Variants in OR8D1 observed in about 807,000 individuals in gnomAD.
OR8D1 encodes the protein olfactory receptor 8D1.
For synonymous variants in OR8D1, 143 were observed against 147.0 expected (o/e 0.97, Z 0.20); for missense variants, 384 against 366.8 (o/e 1.05, Z -0.38).
rs372329348 is a variant in OR8D1 at position 124,310,793 on chromosome 11, A to G, written c.-16-11T>C. ...CTTCTTTAGGCATTTCTGTGAAAATAGAAAGTATGAATTACCTTAACATGG... is the reference window on the plus strand; with the variant it reads ...CTTCTTTAGGCATTTCTGTGAAAATGGAAAGTATGAATTACCTTAACATGG... On this transcript the variant is annotated splice_polypyrimidine_tract_variant and intron_variant, in intron 2 of 2. Transcript: ENST00000641015. 9.8e-5 allele frequency: 154 copies of G among 1,565,002 alleles called. No individual in the cohort carries two copies. Among genetic ancestry groups the G allele is most frequent in the Non-Finnish European group, 1.3e-4 (148 of 1,147,432 alleles).
rs1312420372 is a variant in OR8D1 at position 124,309,197 on chromosome 11, A to G, written c.*643T>C. 6.6e-6 allele frequency: 1 copy of G among 150,724 alleles called. No homozygotes were observed. Among genetic ancestry groups the G allele is most frequent in the East Asian group, 2.0e-4 (1 of 5,058 alleles). 9.3% of individuals were successfully genotyped at this position (150,724 alleles called of 1,614,324 possible). The stretch of plus-strand genomic sequence containing the variant: ...ACTGTGGTGTTAAAGTAGATATACA[A>G]ATACAAAAAAAACAAAACCAGATCC... On this transcript the variant is annotated 3_prime_UTR_variant, in exon 3 of 3. Coordinates refer to ENST00000641015, the MANE Select transcript of OR8D1 (RefSeq NM_001002917.2).
chr11:124,311,033 A>T (rs922163658), intron 2 of OR8D1, among the ~76,000 whole-genome samples: 3 of 152,190 alleles, frequency 2.0e-5, no homozygotes, highest in African/African-American at 7.2e-5. Context: ...TTTGGTAGAA[A>T]AAAAGCAAAT....
At position 124,310,243 on chromosome 11, in the gene OR8D1, T is replaced by A. The variant is rs752244096; in HGVS notation, c.524A>T (p.Asn175Ile). 7 of 1,613,654 alleles carry A rather than the reference T, an allele frequency of 4.3e-6. No individual in the cohort carries two copies. The East Asian group carries it at 1.3e-4, about 31-fold the overall frequency. The change falls in exon 3 of 3, where the codon AAC (asparagine) becomes ATC (isoleucine). Residue 175 changes from asparagine (N) to isoleucine (I), a missense_variant. Physicochemically the swap from Asn to Ile is moderately radical, Grantham distance 149 (BLOSUM62 -3). Coordinates refer to ENST00000641015, the MANE Select transcript of OR8D1 (RefSeq NM_001002917.2). ...KLSFCKSHII[N>I]HYFCDVLPLL... is the part of the protein sequence containing the mutation. ...GGGAAGAACATCACAGAAGTAATGG[T>A]TGATAATGTGGGATTTGCAAAAGGA... is the stretch of plus-strand genomic sequence containing the variant.
At position 124,310,650 on chromosome 11, in the gene OR8D1, T is replaced by C. The variant is rs1862413776; in HGVS notation, c.117A>G (p.Val39=). The C allele has an allele frequency of 1.2e-6, 2 of 1,613,942 alleles. No homozygotes were observed. Among genetic ancestry groups the C allele is most frequent in the African/African-American group, 1.3e-5 (1 of 75,024 alleles). Reference sequence around the variant, plus strand: ...GGAGAATCATGCCCAGGTTGCCCACTACTGTGACCACATAGATTCCCAGGA... The same window carrying C: ...GGAGAATCATGCCCAGGTTGCCCACCACTGTGACCACATAGATTCCCAGGA... The part of the protein sequence containing the change: ...LLFLGIYVVT[V]VGNLGMILLI... Residue 39 remains valine (V), a synonymous_variant, in exon 3 of 3, where the codon GTA becomes GTG. Transcript: ENST00000641015.
intron 2 of OR8D1, 80 bp from the exon 3 acceptor site, chr11:124,310,862 G>A: frequency 1.2e-6 from 1 of 825,648 alleles, no homozygotes; most frequent in Non-Finnish European, 1.9e-6. Context: ...CATAAGGGAG[G>A]TTGACAGCAG....
intron 2 of OR8D1, 80 bp from the exon 3 acceptor site, chr11:124,310,862 G>T: frequency 2.4e-6 from 2 of 825,648 alleles, no homozygotes; most frequent in East Asian, 2.6e-5. Flanking sequence ...CATAAGGGAG[G>T]TTGACAGCAG....
At position 124,309,743 on chromosome 11, in the gene OR8D1, T is replaced by G; in HGVS notation, c.*97A>C. On this transcript the variant is annotated 3_prime_UTR_variant, in exon 3 of 3. Coordinates refer to ENST00000641015, the MANE Select transcript of OR8D1 (RefSeq NM_001002917.2). Reference sequence around the variant, plus strand: ...AAGTATTTTTAAAATCTAGATATTATGTATGTTACAACAGAAGAACATGAA... The same window carrying G: ...AAGTATTTTTAAAATCTAGATATTAGGTATGTTACAACAGAAGAACATGAA... 1 of 599,702 alleles carries G rather than the reference T, an allele frequency of 1.7e-6. No homozygotes were observed. Among genetic ancestry groups the G allele is most frequent in the Non-Finnish European group, 2.7e-6 (1 of 376,588 alleles). The allele number at this position is 599,702 out of a possible 1,614,324, so 37.1% of individuals were successfully genotyped here.
intron 1 of OR8D1, among the ~76,000 whole-genome samples, chr11:124,313,313 A>G (rs1862439326): frequency 6.8e-6 from 1 of 147,382 alleles, no homozygotes; most frequent in Non-Finnish European, 1.5e-5. Flanking sequence ...AAAGAAAGAA[A>G]AGAAAGAGAA....
Position 124,307,149 on chromosome 11 carries a change from G to A in OR8D1, c.*2691C>T, listed in dbSNP as rs891850587. The A allele has an allele frequency of 6.6e-6, 1 of 152,004 alleles. No homozygotes were observed. The highest frequency in any genetic ancestry group is 1.5e-5 in the Non-Finnish European group (1 of 67,982). The allele number at this position is 152,004 out of a possible 1,614,324, so 9.4% of individuals were successfully genotyped here. Reference sequence around the variant, plus strand: ...CAAACAACCAGTATCTGGTGGTTTGGACCAGGGTTATGAAGAACTTAACAG... The same window carrying A: ...CAAACAACCAGTATCTGGTGGTTTGAACCAGGGTTATGAAGAACTTAACAG... On this transcript the variant is annotated 3_prime_UTR_variant, in exon 3 of 3. Coordinates refer to ENST00000641015, the MANE Select transcript of OR8D1 (RefSeq NM_001002917.2).
Position 124,309,885 on chromosome 11 carries a change from A to T in OR8D1, c.882T>A (p.Asn294Lys), listed in dbSNP as rs1862401739. 2.7e-6 allele frequency: 4 copies of T among 1,495,680 alleles called. No individual in the cohort carries two copies. In the South Asian group the frequency reaches 5.9e-5, roughly 22 times the overall value. The allele number at this position is 1,495,680 out of a possible 1,614,324, so 92.7% of individuals were successfully genotyped here. ...TCCTTAATGCTTTCTTCACATCCTT[A>T]TTCCTCAGACTGTATATTAAAGGGT... Reference protein sequence around the residue: ...MLNPLIYSLRNKDVKKALRKV... With the variant: ...MLNPLIYSLRKKDVKKALRKV... The change falls in exon 3 of 3, where the codon AAT becomes AAA. Residue 294 changes from asparagine (N) to lysine (K), a missense_variant. Transcript: ENST00000641015.
chr11:124,313,462 A>G (rs1862441129), intron 1 of OR8D1, among the ~76,000 whole-genome samples: 1 of 152,192 alleles, frequency 6.6e-6, no homozygotes, highest in African/African-American at 2.4e-5. Flanking sequence ...CTTCAGTCAT[A>G]TGGAAATTCC....
intron 2 of OR8D1, 52 bp from the exon 3 acceptor site, chr11:124,310,834 C>T (rs1862415986): frequency 8.5e-7 from 1 of 1,173,452 alleles, no homozygotes; most frequent in Non-Finnish European, 1.2e-6. Flanking sequence ...CACTGCTCTT[C>T]CAAACAAAAC....
chr11:124,305,754 C>A lies in OR8D1; in HGVS notation c.*4086G>T, dbSNP rs1352288250. On this transcript the variant is annotated 3_prime_UTR_variant, in exon 3 of 3. Transcript: ENST00000641015. The stretch of plus-strand genomic sequence containing the variant: ...TAGAAGATAAAGCCCTTTGAATCCC[C>A]TGTATTCAACACAGACACACAAAAA... The A allele has an allele frequency of 6.6e-6, 1 of 151,802 alleles. No individual in the cohort carries two copies. Among genetic ancestry groups the A allele is most frequent in the Non-Finnish European group, 1.5e-5 (1 of 67,854 alleles). 9.4% of individuals were successfully genotyped at this position (151,802 alleles called of 1,614,324 possible).
Position 124,310,205 on chromosome 11 carries a change from A to G in OR8D1, c.562T>C (p.Ser188Pro), listed in dbSNP as rs1862407386. ...TCATTGAGGTGTGTGTTGGAGCAGG[A>G]GAGATTGAGGAGGGGAAGAACATCA... Reference protein sequence around the residue: ...FCDVLPLLNLSCSNTHLNELL... With the variant: ...FCDVLPLLNLPCSNTHLNELL... Residue 188 changes from serine to proline, a missense_variant, in exon 3 of 3, where the codon TCC becomes CCC. Physicochemically the swap from Ser to Pro is moderately conservative, Grantham distance 74 (BLOSUM62 -1). Transcript: ENST00000641015. 1 of 1,613,802 alleles carries G rather than the reference A, an allele frequency of 6.2e-7. No homozygotes were observed. The highest frequency in any genetic ancestry group is 1.3e-5 in the African/African-American group (1 of 75,036).
At chr11:124,311,216 G>C (rs1360496685) in intron 2 of OR8D1, among the ~76,000 whole-genome samples, 1 of 152,138 alleles carries the variant, frequency 6.6e-6, no homozygotes, top group African/African-American at 2.4e-5. Context: ...CTCAGCCTCG[G>C]AGAATTGAAA....
At position 124,306,876 on chromosome 11, in the gene OR8D1, C is replaced by A. The variant is rs916073496; in HGVS notation, c.*2964G>T. The A allele has an allele frequency of 6.6e-6, 1 of 151,984 alleles. No individual in the cohort carries two copies. Among genetic ancestry groups the A allele is most frequent in the African/African-American group, 2.4e-5 (1 of 41,380 alleles). 9.4% of individuals were successfully genotyped at this position (151,984 alleles called of 1,614,324 possible). A position where few individuals can be genotyped will look rare whatever the true frequency, so the allele number is the denominator to read the frequency against. On this transcript the variant is annotated 3_prime_UTR_variant, in exon 3 of 3. Coordinates refer to ENST00000641015, the MANE Select transcript of OR8D1 (RefSeq NM_001002917.2). ...TCTGTTTCACACCTTTACTCACTTT[C>A]CCCAGGAAGGTGGGATGACTTTTCT...
rs764220661 is a variant in OR8D1, at chr11:124,310,114, T to C, written c.653A>G (p.Tyr218Cys). The change falls in exon 3 of 3, where the codon TAT becomes TGT. Residue 218 changes from tyrosine (Y) to cysteine (C), a missense_variant. Transcript: ENST00000641015. Reference protein sequence around the residue: ...LVPTLAVAVSYAFILYSILHI... With the variant: ...LVPTLAVAVSCAFILYSILHI... ...AAGGATGCTGTAGAGGATGAAGGCA[T>C]AGGAGACAGCAACAGCTAGGGTGGG... 5.6e-6 allele frequency: 9 copies of C among 1,613,630 alleles called. No individual in the cohort carries two copies. The highest frequency in any genetic ancestry group is 2.7e-5 in the African/African-American group (2 of 74,994).
chr11:124,308,223 G>GGT lies in OR8D1; in HGVS notation c.*1616_*1617insAC, dbSNP rs1862383534. 1 of 152,048 alleles carries GGT rather than the reference G, an allele frequency of 6.6e-6. No homozygotes were observed. Among genetic ancestry groups the GGT allele is most frequent in the African/African-American group, 2.4e-5 (1 of 41,412 alleles). The allele number at this position is 152,048 out of a possible 1,614,324, so 9.4% of individuals were successfully genotyped here. On this transcript the variant is annotated 3_prime_UTR_variant, in exon 3 of 3. Coordinates refer to ENST00000641015, the MANE Select transcript of OR8D1 (RefSeq NM_001002917.2). ...AATTAAACTGGAATAAGAGAGAGAAGAGGACAGGTTAGAAAACTATGTGGC... is the reference window on the plus strand; with the variant it reads ...AATTAAACTGGAATAAGAGAGAGAAGGTAGGACAGGTTAGAAAACTATGTGGC...
intron 2 of OR8D1, 199 bp from the exon 3 acceptor site, chr11:124,310,981 A>G (rs1273903698): frequency 2.0e-6 from 1 of 497,964 alleles, no homozygotes; most frequent in African/African-American, 1.9e-5. Flanking sequence ...TAAGTTACAA[A>G]AAAGTACTTC....
Sources: gnomAD v4.1 joint callset for allele counts (sites outside exome capture counted in the v4.1 genomes callset) on GRCh38, gnomAD v4.1.1 for gene constraint, MANE v1.5 for transcripts, NCBI Gene and HGNC (gene_info 2026-07-23, HGNC 2026-07-21) for gene names.